NDST4: variants seen among roughly 807,000 people sequenced by gnomAD.
NDST4 encodes N-heparan sulfate sulfotransferase 4.
NDST4 carries 63 observed loss-of-function variants against 100.8 expected under a neutral mutation model. The ratio of observed to expected loss-of-function variants is 0.62; its 90% CI spans 0.51 to 0.77. NDST4 has a LOEUF of 0.77. NDST4 is among the 30% of genes least tolerant of loss of function. The probability of loss-of-function intolerance (pLI) is 0.00; values close to 1 mark genes in which losing one functional copy is unlikely to be tolerated. For missense variants in NDST4, 943 were observed against 1,018.4 expected (o/e 0.93, Z 1.01); for synonymous variants, 377 against 361.8 (o/e 1.04, Z -0.48).
chr4:114,936,398 C>T (rs1725629244), intron 5 of NDST4, among the ~76,000 whole-genome samples: 1 of 152,036 alleles, frequency 6.6e-6, no homozygotes, highest in Non-Finnish European at 1.5e-5. Flanking sequence ...TATGTGTGTG[C>T]ATTTGCTTTA....
intron 4 of NDST4, among the ~76,000 whole-genome samples, chr4:114,952,948 A>T (rs1726050612): frequency 6.6e-6 from 1 of 152,034 alleles, no homozygotes; most frequent in Non-Finnish European, 1.5e-5. Flanking sequence ...TTCATATGTT[A>T]CTTTAATTAC....
At chr4:114,878,340 T>C (rs555118119) in intron 6 of NDST4, among the ~76,000 whole-genome samples, 49 of 152,322 alleles carry the variant, frequency 3.2e-4, no homozygotes, top group African/African-American at 1.2e-3. Context: ...TACCCTTGAC[T>C]GTTAAAAGGA....
intron 2 of NDST4, among the ~76,000 whole-genome samples, chr4:115,015,884 T>C (rs1184161350): frequency 6.6e-6 from 1 of 152,078 alleles, no homozygotes; most frequent in African/African-American, 2.4e-5. Context: ...GATTTCCTGA[T>C]ATGGTATCAT....
chr4:115,105,859 T>A (rs756429774), intron 1 of NDST4, among the ~76,000 whole-genome samples: 5 of 152,140 alleles, frequency 3.3e-5, no homozygotes, highest in African/African-American at 4.8e-5. Context: ...AAGTATCTAA[T>A]ATATAAAGAT....
intron 6 of NDST4, among the ~76,000 whole-genome samples, chr4:114,931,298 G>A (rs1313869274): frequency 1.3e-5 from 2 of 151,690 alleles, no homozygotes; most frequent in African/African-American, 4.8e-5. Flanking sequence ...TAGAGGTGCA[G>A]TCTAAATTCT....
chr4:115,071,295 C>T (rs956778968), intron 2 of NDST4, among the ~76,000 whole-genome samples: 26 of 151,120 alleles, frequency 1.7e-4, no homozygotes, highest in African/African-American at 5.6e-4. Context: ...CACACACACA[C>T]ACACACACAC....
Position 114,935,870 on chromosome 4 carries a change from C to A in NDST4, c.1408-536G>T, listed in dbSNP as rs144724433. 4.3e-3 allele frequency among the ~76,000 whole-genome samples: 652 copies of A among 152,132 alleles called. 7 individuals are homozygous for A. Among genetic ancestry groups the A allele is most frequent in the Middle Eastern group, 0.027 (8 of 294 alleles). On this transcript the variant is annotated intron_variant, in intron 5 of 13. Transcript: ENST00000264363. The stretch of plus-strand genomic sequence containing the variant: ...TTACTTCTGGTATATTTTGTGGTTA[C>A]TTCTTTTGTAAGTCTGAATGTTTAA...
intron 2 of NDST4, among the ~76,000 whole-genome samples, chr4:115,057,583 T>C (rs1024381843): frequency 1.3e-5 from 2 of 152,154 alleles, no homozygotes; most frequent in African/African-American, 4.8e-5. Flanking sequence ...CGTTTATAAC[T>C]GAACCTTAGT....
At chr4:115,069,707 C>G (rs1386444610) in intron 2 of NDST4, among the ~76,000 whole-genome samples, 4 of 152,022 alleles carry the variant, frequency 2.6e-5, no homozygotes, top group Non-Finnish European at 1.5e-5. Flanking sequence ...ACCAGCCCAG[C>G]CAACATGGTG....
rs189560604 is a variant in NDST4, at chr4:114,855,364, G to A, written c.1720-2543C>T. ...ATCTTTGCCCAGACTAAATGTCTTG[G>A]GGAGTTTCTCCAATGTTTTATTTTA... On this transcript the variant is annotated intron_variant, in intron 7 of 13. Coordinates refer to ENST00000264363, the MANE Select transcript of NDST4 (RefSeq NM_022569.3). Among the ~76,000 whole-genome samples the A allele has an allele frequency of 7.9e-5, 12 of 152,158 alleles. No individual in the cohort carries two copies. In the East Asian group the frequency reaches 2.3e-3, roughly 29 times the overall value.
At chr4:115,053,805 G>T (rs1301610363) in intron 2 of NDST4, among the ~76,000 whole-genome samples, 1 of 152,052 alleles carries the variant, frequency 6.6e-6, no homozygotes, top group African/African-American at 2.4e-5. Context: ...TGACCTCCTT[G>T]ATCAACATTC....
chr4:115,088,945 C>G (rs28687855), intron 1 of NDST4, among the ~76,000 whole-genome samples: 3 of 151,908 alleles, frequency 2.0e-5, no homozygotes, highest in Admixed American at 2.0e-4. Flanking sequence ...CAGCCTATAA[C>G]ACAGACATTT....
chr4:115,090,549 T>A (rs1729497247), intron 1 of NDST4, among the ~76,000 whole-genome samples: 1 of 152,030 alleles, frequency 6.6e-6, no homozygotes, highest in Non-Finnish European at 1.5e-5. Flanking sequence ...TATTTGATAT[T>A]TTTTTCTAGA....
intron 6 of NDST4, among the ~76,000 whole-genome samples, chr4:114,899,360 G>A (rs1006535014): frequency 1.3e-5 from 2 of 151,862 alleles, no homozygotes; most frequent in Non-Finnish European, 2.9e-5. Context: ...TTTATTTTTA[G>A]TATAGACAGG....
At position 114,863,962 on chromosome 4, in the gene NDST4, A is replaced by G. The variant is rs73850704; in HGVS notation, c.1719+6806T>C. 9.6e-3 allele frequency among the ~76,000 whole-genome samples: 1,465 copies of G among 152,318 alleles called. 21 individuals carry two copies. The highest frequency in any genetic ancestry group is 0.033 in the African/African-American group (1,366 of 41,586). The stretch of plus-strand genomic sequence containing the variant: ...AATTCGCAATCAAGCTAAAAAGAAC[A>G]TAGATTGAAAGAATATCATACCATT... On this transcript the variant is annotated intron_variant, in intron 7 of 13. Transcript: ENST00000264363.
intron 6 of NDST4, among the ~76,000 whole-genome samples, chr4:114,921,814 CTTCCTAT>C (rs1403775063): frequency 2.0e-5 from 3 of 152,052 alleles, no homozygotes; most frequent in African/African-American, 7.2e-5. Flanking sequence ...TGAGAATAAA[CTTCCTAT>C]TTTCTTTTTC....
intron 8 of NDST4, among the ~76,000 whole-genome samples, chr4:114,852,223 A>T (rs1723693088): frequency 6.6e-6 from 1 of 152,200 alleles, no homozygotes; most frequent in Non-Finnish European, 1.5e-5. Context: ...AAGTAAGTCC[A>T]TATCATGCTA....
intron 2 of NDST4, among the ~76,000 whole-genome samples, chr4:115,020,421 A>T (rs962068023): frequency 9.2e-5 from 14 of 152,140 alleles, no homozygotes; most frequent in African/African-American, 3.4e-4. Flanking sequence ...AGAAATTTCT[A>T]AGCAAAATAT....
At chr4:114,839,652 G>T in intron 10 of NDST4, 104 bp from the exon 11 acceptor site, 2 of 872,662 alleles carry the variant, frequency 2.3e-6, no homozygotes, top group Non-Finnish European at 3.4e-6. Context: ...TGGTGTGTAT[G>T]TATAAATGTG....
Sources: gnomAD v4.1 joint callset for allele counts (sites outside exome capture counted in the v4.1 genomes callset) on GRCh38, gnomAD v4.1.1 for gene constraint, MANE v1.5 for transcripts, NCBI Gene and HGNC (gene_info 2026-07-23, HGNC 2026-07-21) for gene names.